Variants in KPNA3 observed in about 807,000 individuals in gnomAD.
KPNA3 encodes importin subunit alpha-4.
In KPNA3, 13 loss-of-function variants were observed where a neutral mutation model predicts 73.8. The observed-to-expected ratio is 0.18, with a 90% confidence interval of 0.11 to 0.28. KPNA3 has a LOEUF of 0.28. KPNA3 is among the 10% of genes least tolerant of loss of function. KPNA3 has a pLI of 1.00. For synonymous variants in KPNA3, 186 were observed against 206.9 expected (o/e 0.90, Z 0.87); for missense variants, 360 against 618.1 (o/e 0.58, Z 4.43).
At chr13:49,734,018 A>G (rs1041468770) in intron 2 of KPNA3, among the ~76,000 whole-genome samples, 1 of 152,258 alleles carries the variant, frequency 6.6e-6, no homozygotes, top group Non-Finnish European at 1.5e-5. Context: ...TTTAAGCTAC[A>G]TAGTTTGGAG....
At chr13:49,704,298 C>T (rs570609633) in intron 15 of KPNA3, among the ~76,000 whole-genome samples, 1 of 151,910 alleles carries the variant, frequency 6.6e-6, no homozygotes, top group East Asian at 1.9e-4. Flanking sequence ...TGGTGCATGC[C>T]TATAATCCCA....
intron 9 of KPNA3, 22 bp from the exon 10 acceptor site, chr13:49,719,841 T>C (rs1954338820): frequency 6.9e-7 from 1 of 1,455,226 alleles, no homozygotes; most frequent in Non-Finnish European, 9.6e-7. Flanking sequence ...AAATAAACAA[T>C]ACTTAACATT....
chr13:49,726,309 T>C (rs1345033545), intron 6 of KPNA3, among the ~76,000 whole-genome samples: 1 of 152,230 alleles, frequency 6.6e-6, no homozygotes, highest in African/African-American at 2.4e-5. Context: ...CATTATATTT[T>C]CGAATAGTAA....
At position 49,779,044 on chromosome 13, in the gene KPNA3, C is replaced by T. The variant is rs182559464; in HGVS notation, c.69+13394G>A. Among the ~76,000 whole-genome samples the T allele has an allele frequency of 8.5e-5, 13 of 152,142 alleles. No homozygotes were observed. In the East Asian group the frequency reaches 1.7e-3, roughly 20 times the overall value. Reference sequence around the variant, plus strand: ...TATTTTTCTACGCCTTAAATTTTCACATCTGTGAAAAAGGAGTTGGACTCA... The same window carrying T: ...TATTTTTCTACGCCTTAAATTTTCATATCTGTGAAAAAGGAGTTGGACTCA... On this transcript the variant is annotated intron_variant, in intron 1 of 16. Transcript: ENST00000261667.
chr13:49,772,589 G>A (rs1234947846), intron 1 of KPNA3, among the ~76,000 whole-genome samples: 1 of 152,132 alleles, frequency 6.6e-6, no homozygotes, highest in East Asian at 1.9e-4. Flanking sequence ...GATCACCTGA[G>A]GTCAGGAGTT....
At chr13:49,725,889 A>G (rs1473906540) in intron 6 of KPNA3, among the ~76,000 whole-genome samples, 2 of 151,922 alleles carry the variant, frequency 1.3e-5, no homozygotes, top group Non-Finnish European at 2.9e-5. Flanking sequence ...TGATCTGCCC[A>G]CCTCGGCTTC....
chr13:49,792,030 C>G (rs913817464), intron 1 of KPNA3, among the ~76,000 whole-genome samples: 2 of 152,150 alleles, frequency 1.3e-5, no homozygotes, highest in Non-Finnish European at 2.9e-5. Context: ...GGGGGCTGCA[C>G]CGGACGGAAG....
At chr13:49,704,436 AAT>A (rs1566330813) in intron 15 of KPNA3, among the ~76,000 whole-genome samples, 1,823 of 6,664 alleles carry the variant, frequency 0.27, 28 homozygotes, top group Non-Finnish European at 0.3. Flanking sequence ...ATAAATAAAA[AAT>A]AAATAAATAA....
chr13:49,760,404 G>T (rs1954749162), intron 1 of KPNA3, among the ~76,000 whole-genome samples: 3 of 124,140 alleles, frequency 2.4e-5, no homozygotes, highest in Non-Finnish European at 3.2e-5. Flanking sequence ...GACAGAGTGA[G>T]ATCCCATCTC....
chr13:49,791,909 T>C (rs1955036320), intron 1 of KPNA3, among the ~76,000 whole-genome samples: 1 of 152,110 alleles, frequency 6.6e-6, no homozygotes, highest in Non-Finnish European at 1.5e-5. Flanking sequence ...ACCCGGCTGG[T>C]CCCCACCCCC....
chr13:49,759,122 C>CA (rs1465786023), intron 1 of KPNA3, among the ~76,000 whole-genome samples: 1 of 152,102 alleles, frequency 6.6e-6, no homozygotes, highest in Admixed American at 6.6e-5. Flanking sequence ...TTCAAACACA[C>CA]ATAGATTTCA....
intron 1 of KPNA3, among the ~76,000 whole-genome samples, chr13:49,750,864 C>T (rs1404984555): frequency 3.9e-5 from 6 of 152,022 alleles, no homozygotes; most frequent in African/African-American, 7.2e-5. Flanking sequence ...TGGTGGCGCA[C>T]GCCTGTAATC....
rs1486168068 is a variant in KPNA3 at position 49,792,606 on chromosome 13, G to T, written c.-100C>A. 3 of 116,084 alleles carry T rather than the reference G, an allele frequency of 2.6e-5. No homozygotes were observed. The highest frequency in any genetic ancestry group is 5.4e-5 in the South Asian group (1 of 18,536). The allele number at this position is 116,084 out of a possible 1,614,324, so 7.2% of individuals were successfully genotyped here. ...GGAGGAGGGGGAGAGCGGGAGGGGG[G>T]AGGGGAGAGAAGAGCACGTTCTGTG... is the stretch of plus-strand genomic sequence containing the variant. On this transcript the variant is annotated 5_prime_UTR_variant, in exon 1 of 17. Transcript: ENST00000261667.
At chr13:49,711,501 A>G (rs1954260296) in intron 10 of KPNA3, among the ~76,000 whole-genome samples, 2 of 152,242 alleles carry the variant, frequency 1.3e-5, no homozygotes, top group Non-Finnish European at 2.9e-5. Context: ...TAAACCAATA[A>G]AAGAAATGAC....
intron 10 of KPNA3, among the ~76,000 whole-genome samples, chr13:49,713,676 A>ACAC (rs1372214455): frequency 2.3e-5 from 3 of 129,864 alleles, no homozygotes; most frequent in Admixed American, 7.6e-5. Flanking sequence ...CACACACACA[A>ACAC]AACAGAAAAA....
At chr13:49,723,082 ATTTT>A (rs71078883) in intron 7 of KPNA3, among the ~76,000 whole-genome samples, 3 of 147,490 alleles carry the variant, frequency 2.0e-5, no homozygotes, top group Non-Finnish European at 4.5e-5. Context: ...GCACTACCTC[ATTTT>A]TTTTTTTTTG....
chr13:49,783,237 T>C (rs951381777), intron 1 of KPNA3, among the ~76,000 whole-genome samples: 24 of 152,096 alleles, frequency 1.6e-4, no homozygotes, highest in African/African-American at 5.3e-4. Context: ...ACAACCTCCC[T>C]AACCCAGAAA....
intron 1 of KPNA3, among the ~76,000 whole-genome samples, chr13:49,764,374 C>T (rs757691619): frequency 6.6e-6 from 1 of 152,122 alleles, no homozygotes; most frequent in African/African-American, 2.4e-5. Flanking sequence ...CAATTAAGCT[C>T]TCAATGCTTA....
chr13:49,738,814 C>A (rs1185372784), intron 2 of KPNA3, among the ~76,000 whole-genome samples: 5 of 152,158 alleles, frequency 3.3e-5, no homozygotes, highest in African/African-American at 1.2e-4. Flanking sequence ...AAACTACATA[C>A]CTTTCATTTC....
Sources: gnomAD v4.1 joint callset for allele counts (sites outside exome capture counted in the v4.1 genomes callset) on GRCh38, gnomAD v4.1.1 for gene constraint, MANE v1.5 for transcripts, NCBI Gene and HGNC (gene_info 2026-07-23, HGNC 2026-07-21) for gene names.